NECTIN3: variants seen among roughly 807,000 people sequenced by gnomAD.
The protein encoded by NECTIN3 is nectin cell adhesion molecule 3, also known as nectin-3.
Under a neutral mutation model 49.4 loss-of-function variants are expected in NECTIN3, and 8 were observed. The ratio of observed to expected loss-of-function variants is 0.16; its 90% CI spans 0.10 to 0.29. The LOEUF (loss-of-function observed/expected upper bound fraction) is 0.29, where lower values mean the gene tolerates loss of function less well. NECTIN3 is among the 10% of genes least tolerant of loss of function. The pLI is 1.00. For missense variants in NECTIN3, 581 were observed against 654.6 expected (o/e 0.89, Z 1.23); for synonymous variants, 277 against 241.1 (o/e 1.15, Z -1.38).
chr3:111,165,219 A>G (rs969023629), intron 7 of NECTIN3, among the ~76,000 whole-genome samples: 1 of 151,572 alleles, frequency 6.6e-6, no homozygotes, highest in African/African-American at 2.4e-5. Context: ...AATTTTTTGT[A>G]TTTTTAGTAG....
At chr3:111,179,210 A>G (rs181481916) in intron 7 of NECTIN3, among the ~76,000 whole-genome samples, 12 of 152,154 alleles carry the variant, frequency 7.9e-5, no homozygotes, top group East Asian at 3.9e-4. Flanking sequence ...CCTCCAGTCT[A>G]TCTAAGTCCC....
At chr3:111,194,140 C>T (rs756921249) in intron 1 of NECTIN3, among the ~76,000 whole-genome samples, 4 of 152,126 alleles carry the variant, frequency 2.6e-5, no homozygotes, top group African/African-American at 7.2e-5. Context: ...GCCTATTTTG[C>T]ACCTATTAAA....
chr3:111,192,498 TC>T (rs2035830404), intron 1 of NECTIN3: 8 of 1,258,180 alleles, frequency 6.4e-6, no homozygotes, highest in Non-Finnish European at 8.8e-6. Flanking sequence ...GTATACAAGT[TC>T]ATTTTATTCA....
chr3:111,130,717 T>C (rs1166812828), intron 5 of NECTIN3, among the ~76,000 whole-genome samples: 1 of 151,984 alleles, frequency 6.6e-6, no homozygotes, highest in Non-Finnish European at 1.5e-5. Flanking sequence ...GGATAACAGG[T>C]TTTTGATTTA....
At chr3:111,076,955 G>GA (rs1027219360) in intron 1 of NECTIN3, among the ~76,000 whole-genome samples, 4 of 148,430 alleles carry the variant, frequency 2.7e-5, no homozygotes, top group African/African-American at 9.9e-5. Context: ...CAGCCTGGGT[G>GA]ACGGAGCAAG....
chr3:111,079,614 A>G (rs1472238317), intron 1 of NECTIN3, among the ~76,000 whole-genome samples: 1 of 151,792 alleles, frequency 6.6e-6, no homozygotes, highest in East Asian at 2.0e-4. Context: ...AAGAAGGCAT[A>G]TAGCTAACAG....
Position 111,135,220 on chromosome 3 carries a change from T to A in NECTIN3, c.*1005T>A. 1 of 974,346 alleles carries A rather than the reference T, an allele frequency of 1.0e-6. No individual in the cohort carries two copies. The highest frequency in any genetic ancestry group is 1.2e-6 in the Non-Finnish European group (1 of 820,092). The allele number at this position is 974,346 out of a possible 1,614,324, so 60.4% of individuals were successfully genotyped here. ...AATGGGTAAATGTACAGAAAGAAAA[T>A]TTTAGAGTAAACTTGGAACTTTGGA... On this transcript the variant is annotated 3_prime_UTR_variant, in exon 6 of 6. Coordinates refer to ENST00000485303, the MANE Select transcript of NECTIN3 (RefSeq NM_015480.3).
chr3:111,089,601 G>A (rs1224433785), intron 1 of NECTIN3, among the ~76,000 whole-genome samples: 1 of 152,016 alleles, frequency 6.6e-6, no homozygotes, highest in Non-Finnish European at 1.5e-5. Context: ...GGATTTTAAA[G>A]TTATCTTTCT....
chr3:111,133,785 C>T lies in NECTIN3; in HGVS notation c.1220C>T (p.Ala407Val), dbSNP rs769271969. The change falls in exon 6 of 6, where the codon GCT becomes GTT. Residue 407 changes from alanine (A) to valine (V), a missense_variant. Physicochemically the swap from Ala to Val is moderately conservative, Grantham distance 64. This residue lies in a region of NECTIN3 where 238 missense variants were observed against 244.9 expected (regional missense o/e 0.97). Transcript: ENST00000485303. ...IKDDTIATII[A>V]SVVGGALFIV... ...GATGACACAATTGCCACGATCATTG[C>T]TAGTGTAGTGGGTGGGGCTCTCTTC... The T allele has an allele frequency of 6.2e-7, 1 of 1,613,950 alleles. No homozygotes were observed. The highest frequency in any genetic ancestry group is 8.5e-7 in the Non-Finnish European group (1 of 1,179,862).
At chr3:111,110,026 G>A (rs2033386640) in intron 1 of NECTIN3, among the ~76,000 whole-genome samples, 1 of 151,900 alleles carries the variant, frequency 6.6e-6, no homozygotes, top group African/African-American at 2.4e-5. Flanking sequence ...ATCACCCTTT[G>A]TAACATACTG....
Position 111,145,122 on chromosome 3 carries a change from A to T in NECTIN3, c.1139+85A>T. The T allele has an allele frequency of 2.2e-6, 3 of 1,385,914 alleles. No homozygotes were observed. In the South Asian group the frequency reaches 4.0e-5, roughly 18 times the overall value. 85.9% of individuals were successfully genotyped at this position (1,385,914 alleles called of 1,614,324 possible). On this transcript the variant is annotated intron_variant, in intron 6 of 8. Transcript: ENST00000493615. ...TTTACCTTTACAGCTCCTCATAAAGAACTTAAGGGATAGAAGTAAGGATAA... is the reference window on the plus strand; with the variant it reads ...TTTACCTTTACAGCTCCTCATAAAGTACTTAAGGGATAGAAGTAAGGATAA...
Position 111,134,403 on chromosome 3 carries a change from A to G in NECTIN3, c.*188A>G, listed in dbSNP as rs1264762670. 5 of 1,322,848 alleles carry G rather than the reference A, an allele frequency of 3.8e-6. No homozygotes were observed. Among genetic ancestry groups the G allele is most frequent in the South Asian group, 2.1e-5 (1 of 47,482 alleles). The allele number at this position is 1,322,848 out of a possible 1,614,324, so 81.9% of individuals were successfully genotyped here. A position where few individuals can be genotyped will look rare whatever the true frequency, so the allele number is the denominator to read the frequency against. ...TTCAGTGTATCTAAGCTGCTTTACA[A>G]TTTTTTTTCAATGCTGTACTACTGT... On this transcript the variant is annotated 3_prime_UTR_variant, in exon 6 of 6. Transcript: ENST00000485303.
At chr3:111,158,819 A>C (rs1229146005) in intron 7 of NECTIN3, among the ~76,000 whole-genome samples, 1 of 152,212 alleles carries the variant, frequency 6.6e-6, no homozygotes, top group Admixed American at 6.5e-5. Flanking sequence ...CCACAGACGC[A>C]AACAAAATTT....
At chr3:111,143,631 C>A (rs968253461) in intron 5 of NECTIN3, among the ~76,000 whole-genome samples, 2 of 151,850 alleles carry the variant, frequency 1.3e-5, no homozygotes. Flanking sequence ...TGTAACTTTG[C>A]CGTGTCTGGG....
chr3:111,175,170 G>T (rs1014403189), intron 7 of NECTIN3, among the ~76,000 whole-genome samples: 1 of 151,580 alleles, frequency 6.6e-6, no homozygotes, highest in Admixed American at 6.6e-5. Context: ...CTGTCACATT[G>T]TTCCGCCATC....
intron 5 of NECTIN3, among the ~76,000 whole-genome samples, chr3:111,131,395 A>G (rs1308628868): frequency 6.6e-6 from 1 of 152,062 alleles, no homozygotes; most frequent in African/African-American, 2.4e-5. Context: ...GTCCTACCTT[A>G]TAATAATTGT....
intron 7 of NECTIN3, among the ~76,000 whole-genome samples, chr3:111,152,728 A>C (rs572431440): frequency 3.0e-4 from 45 of 152,080 alleles, no homozygotes; most frequent in Non-Finnish European, 6.0e-4. Flanking sequence ...GAAGATTTAG[A>C]AAAGCAAAAC....
chr3:111,174,807 C>A (rs2035496578), intron 7 of NECTIN3, among the ~76,000 whole-genome samples: 1 of 152,072 alleles, frequency 6.6e-6, no homozygotes, highest in East Asian at 1.9e-4. Flanking sequence ...CCCTTTTAGC[C>A]CTGCTGTCTG....
rs756460855 is a variant in NECTIN3, at chr3:111,133,863, C to T, written c.1298C>T (p.Thr433Met). 33 of 1,613,798 alleles carry T rather than the reference C, an allele frequency of 2.0e-5. No homozygotes were observed. Among genetic ancestry groups the T allele is most frequent in the African/African-American group, 4.0e-5 (3 of 74,896 alleles). ...AGIFCYRRRR[T>M]FRGDYFAKNY... ...ATATTCTGCTATAGGAGAAGACGGA[C>T]GTTTCGTGGAGACTACTTTGCCAAG... is the stretch of plus-strand genomic sequence containing the variant. Residue 433 changes from threonine (T) to methionine (M), a missense_variant, in exon 6 of 6, where the codon ACG becomes ATG. Thr to Met is a moderately conservative substitution (Grantham distance 81, BLOSUM62 -1). Around this residue, in one of 3 missense-constraint regions of NECTIN3, gnomAD observed 238 missense variants for 244.9 expected, o/e 0.97. Transcript: ENST00000485303.
Sources: gnomAD v4.1 joint callset for allele counts (sites outside exome capture counted in the v4.1 genomes callset) on GRCh38, gnomAD v4.1.1 for gene constraint, gnomAD v4.1.1 regional missense constraint, MANE v1.5 for transcripts, NCBI Gene and HGNC (gene_info 2026-07-23, HGNC 2026-07-21) for gene names.